The following POLR2D variants were observed in gnomAD, a reference collection of about 807,000 sequenced individuals.
POLR2D encodes DNA-directed RNA polymerase II subunit RPB4.
A neutral mutation model predicts 17.6 loss-of-function variants in POLR2D; 10 were observed. That is an observed-to-expected ratio of 0.57 (90% confidence interval 0.35 to 0.96). POLR2D has a LOEUF of 0.96. Ranked by LOEUF, POLR2D falls within the 40% of genes least tolerant of loss-of-function variation. The pLI, the probability that POLR2D is intolerant of heterozygous loss-of-function variation, is 0.02. For missense variants in POLR2D, 126 were observed against 176.4 expected (o/e 0.71, Z 1.62); for synonymous variants, 52 against 60.2 (o/e 0.86, Z 0.63).
At chr2:127,855,238 C>A (rs1475982419) in intron 1 of POLR2D, among the ~76,000 whole-genome samples, 1 of 151,626 alleles carries the variant, frequency 6.6e-6, no homozygotes, top group Non-Finnish European at 1.5e-5. Flanking sequence ...ACTAAAAATA[C>A]AAAAATTAGT....
chr2:127,855,394 CAAAAA>C (rs747725989), intron 1 of POLR2D, among the ~76,000 whole-genome samples: 1 of 51,274 alleles, frequency 2.0e-5, no homozygotes, highest in Non-Finnish European at 4.1e-5. Context: ...AACTCCGTCT[CAAAAA>C]AAAAAAAAAA....
In POLR2D at chr2:127,843,621, T is replaced by C. The variant is rs376020399; in HGVS notation, c.*4486A>G. 2 of 152,458 alleles carry C rather than the reference T, an allele frequency of 1.3e-5. No homozygotes were observed. The highest frequency in any genetic ancestry group is 2.9e-5 in the Non-Finnish European group (2 of 68,026). 9.4% of individuals were successfully genotyped at this position (152,458 alleles called of 1,614,324 possible). On this transcript the variant is annotated 3_prime_UTR_variant, in exon 4 of 4. Transcript: ENST00000272645. ...ATCGATGCTGAAGTCCCATCCAGTA[T>C]GCTATTTTTCATGCCTCAGGTCTAA...
rs567334837 is a variant in POLR2D, at chr2:127,853,208, G to C, written c.74-103C>G. 8.5e-6 allele frequency: 8 copies of C among 946,526 alleles called. No homozygotes were observed. In the South Asian group the frequency reaches 1.3e-4, roughly 15 times the overall value. The allele number at this position is 946,526 out of a possible 1,614,324, so 58.6% of individuals were successfully genotyped here. A position where few individuals can be genotyped will look rare whatever the true frequency, so the allele number is the denominator to read the frequency against. On this transcript the variant is annotated intron_variant, in intron 1 of 3. Coordinates refer to ENST00000272645, the MANE Select transcript of POLR2D (RefSeq NM_004805.4). ...ACATTTCTCTGCCCCTGCAGAAATC[G>C]AGGGGTTTCCTACTCCACATCTGCT...
At position 127,847,362 on chromosome 2, in the gene POLR2D, G is replaced by A. The variant is rs1158722553; in HGVS notation, c.*745C>T. On this transcript the variant is annotated 3_prime_UTR_variant, in exon 4 of 4. Transcript: ENST00000272645. ...ACACTCCCATCCTTTAAGAATTTCA[G>A]GCCAGTTGTGGTGGCTCATGCCTGT... 1 of 152,314 alleles carries A rather than the reference G, an allele frequency of 6.6e-6. No homozygotes were observed. Among genetic ancestry groups the A allele is most frequent in the Non-Finnish European group, 1.5e-5 (1 of 68,136 alleles). 9.4% of individuals were successfully genotyped at this position (152,314 alleles called of 1,614,324 possible).
intron 1 of POLR2D, among the ~76,000 whole-genome samples, chr2:127,855,681 T>C (rs1221773985): frequency 6.6e-6 from 1 of 152,136 alleles, no homozygotes; most frequent in African/African-American, 2.4e-5. Context: ...ATCAACAAAA[T>C]GGGGATGGGG....
At chr2:127,849,495 T>C (rs967799593) in intron 3 of POLR2D, among the ~76,000 whole-genome samples, 15 of 152,232 alleles carry the variant, frequency 9.9e-5, no homozygotes, top group African/African-American at 2.9e-4. Context: ...CATATTTTTA[T>C]ACTCACTACA....
chr2:127,851,939 C>G (rs113794414), intron 2 of POLR2D, among the ~76,000 whole-genome samples: 2 of 152,114 alleles, frequency 1.3e-5, no homozygotes, highest in African/African-American at 2.4e-5. Context: ...TACAGGCATG[C>G]GCTACCACGC....
intron 1 of POLR2D, among the ~76,000 whole-genome samples, chr2:127,855,393 TCA>T (rs1491164937): frequency 3.9e-5 from 2 of 51,054 alleles, no homozygotes; most frequent in Non-Finnish European, 7.0e-5. Flanking sequence ...AAACTCCGTC[TCA>T]AAAAAAAAAA....
At chr2:127,851,851 C>G (rs757335477) in intron 2 of POLR2D, among the ~76,000 whole-genome samples, 7 of 152,190 alleles carry the variant, frequency 4.6e-5, no homozygotes, top group Non-Finnish European at 1.0e-4. Context: ...AGTGCAGTGG[C>G]ACGATCTTGG....
intron 1 of POLR2D, 172 bp downstream of exon 1, chr2:127,857,856 C>A: frequency 7.5e-7 from 1 of 1,324,736 alleles, no homozygotes; most frequent in Non-Finnish European, 9.6e-7. Context: ...CCAGGCGGTC[C>A]CTCCCAAGGC....
At chr2:127,855,236 T>C (rs1369542961) in intron 1 of POLR2D, among the ~76,000 whole-genome samples, 7 of 151,496 alleles carry the variant, frequency 4.6e-5, no homozygotes, top group Non-Finnish European at 7.4e-5. Flanking sequence ...CTACTAAAAA[T>C]ACAAAAATTA....
In POLR2D at chr2:127,858,100, TCGCCGCGCCGCGCCGCGCGCCACCACCAG is replaced by T. The variant is rs774346564; in HGVS notation, c.-29_-1del. The T allele has an allele frequency of 1.3e-6, 2 of 1,498,378 alleles. No homozygotes were observed. The highest frequency in any genetic ancestry group is 4.7e-5 in the Admixed American group (2 of 42,946). The allele number at this position is 1,498,378 out of a possible 1,614,324, so 92.8% of individuals were successfully genotyped here. On this transcript the variant is annotated 5_prime_UTR_variant, in exon 1 of 4. Coordinates refer to ENST00000272645, the MANE Select transcript of POLR2D (RefSeq NM_004805.4). ...CGCGGATCGCTGCCACCCGCCGCCA[TCGCCGCGCCGCGCCGCGCGCCACCACCAG>T]CGCCGCCGGAAGCAGAAGCGCGGAG...
chr2:127,852,856 G>A lies in POLR2D; in HGVS notation c.254+69C>T, dbSNP rs1690273007. 9.6e-7 allele frequency: 1 copy of A among 1,037,506 alleles called. No homozygotes were observed. Among genetic ancestry groups the A allele is most frequent in the African/African-American group, 1.6e-5 (1 of 62,666 alleles). The allele number at this position is 1,037,506 out of a possible 1,614,324, so 64.3% of individuals were successfully genotyped here. ...TCACAAGTGACACCTGGGAAAGGGG[G>A]AGGGGACAGCATTCTACATGCAGTT... On this transcript the variant is annotated intron_variant, in intron 2 of 3. Coordinates refer to ENST00000272645, the MANE Select transcript of POLR2D (RefSeq NM_004805.4). The surrounding 1 kb of genome is among the most constrained non-coding windows in gnomAD (Gnocchi z 4.0).
At chr2:127,851,102 G>C (rs1238010968) in intron 2 of POLR2D, among the ~76,000 whole-genome samples, 2 of 152,282 alleles carry the variant, frequency 1.3e-5, no homozygotes, top group East Asian at 3.9e-4. Context: ...GCTACTCCCA[G>C]CTACTCGGGA....
chr2:127,848,045 A>G lies in POLR2D; in HGVS notation c.*62T>C. 9.2e-7 allele frequency: 1 copy of G among 1,083,268 alleles called. No homozygotes were observed. Among genetic ancestry groups the G allele is most frequent in the Admixed American group, 1.7e-5 (1 of 59,078 alleles). The allele number at this position is 1,083,268 out of a possible 1,614,324, so 67.1% of individuals were successfully genotyped here. A position where few individuals can be genotyped will look rare whatever the true frequency, so the allele number is the denominator to read the frequency against. ...ATTTCTGTGCAAGTCAGCCCCAGAC[A>G]GTGGGAAGGTGGTGTTATGCCTGGG... is the stretch of plus-strand genomic sequence containing the variant. On this transcript the variant is annotated 3_prime_UTR_variant, in exon 4 of 4. Coordinates refer to ENST00000272645, the MANE Select transcript of POLR2D (RefSeq NM_004805.4).
Position 127,853,106 on chromosome 2 carries a change from C to G in POLR2D, c.74-1G>C. The stretch of plus-strand genomic sequence containing the variant: ...AGAAGTGTCTCAGCTGTTTCAAACT[C>G]TATTTGTAAGAAGCATAAATGGCAG... On this transcript the variant is annotated splice_acceptor_variant, in intron 1 of 3. Transcript: ENST00000272645. LOFTEE classifies it high-confidence loss of function. 6.2e-7 allele frequency: 1 copy of G among 1,605,680 alleles called. No individual in the cohort carries two copies.
At position 127,852,121 on chromosome 2, in the gene POLR2D, G is replaced by C. The variant is rs1414484728; in HGVS notation, c.254+804C>G. ...GCACTTTGGGGGGCTAAGGTTGGAG[G>C]ATCAATTGAGGCCAGGAGTTTGAGA... On this transcript the variant is annotated intron_variant, in intron 2 of 3. Transcript: ENST00000272645. The surrounding 1 kb of genome is among the most constrained non-coding windows in gnomAD (Gnocchi z 4.0). Among the ~76,000 whole-genome samples the C allele has an allele frequency of 6.6e-6, 1 of 152,132 alleles. No homozygotes were observed. The highest frequency in any genetic ancestry group is 1.5e-5 in the Non-Finnish European group (1 of 68,032).
chr2:127,858,079 G>T lies in POLR2D; in HGVS notation c.22C>A (p.Pro8Thr), dbSNP rs535057159. The T allele has an allele frequency of 6.5e-6, 10 of 1,536,824 alleles. No individual in the cohort carries two copies. In the South Asian group the frequency reaches 1.1e-4, roughly 17 times the overall value. MAAGGSDPRAGDVEEDAS... is the reference protein window; with the variant it reads MAAGGSDTRAGDVEEDAS... ...TCCTCCTCTACGTCGCCAGCCCGCG[G>T]ATCGCTGCCACCCGCCGCCATCGCC... The change falls in exon 1 of 4, where the codon CCG becomes ACG. Residue 8 changes from proline (P) to threonine (T), a missense_variant. Physicochemically the swap from Pro to Thr is conservative, Grantham distance 38. Transcript: ENST00000272645.
intron 3 of POLR2D, among the ~76,000 whole-genome samples, 196 bp from the exon 4 acceptor site, chr2:127,848,381 TAC>T (rs1192703999): frequency 1.3e-5 from 2 of 152,148 alleles, no homozygotes; most frequent in African/African-American, 4.8e-5. Flanking sequence ...AATATACCTT[TAC>T]AGTTAGCCCC....
Sources: gnomAD v4.1 joint callset for allele counts (sites outside exome capture counted in the v4.1 genomes callset) on GRCh38, gnomAD v4.1.1 for gene constraint, Gnocchi (gnomAD v3.1) non-coding constraint, MANE v1.5 for transcripts, NCBI Gene and HGNC (gene_info 2026-07-23, HGNC 2026-07-21) for gene names.